The following MEGF10 variants were observed in gnomAD, a reference collection of about 807,000 sequenced individuals.
MEGF10 encodes multiple epidermal growth factor-like domains protein 10.
A neutral mutation model predicts 147.5 loss-of-function variants in MEGF10; 86 were observed. The ratio of observed to expected loss-of-function variants is 0.58; its 90% CI spans 0.49 to 0.70. MEGF10 has a LOEUF of 0.70. Ranked by LOEUF, MEGF10 falls within the 30% of genes least tolerant of loss-of-function variation. MEGF10 has a pLI of 0.00. For missense variants in MEGF10, 1,329 were observed against 1,487.3 expected, an observed-to-expected ratio of 0.89 and a Z score of 1.75; for synonymous variants, 478 against 525.5, an observed-to-expected ratio of 0.91 and a Z score of 1.24.
intron 7 of MEGF10, among the ~76,000 whole-genome samples, chr5:127,400,165 A>G (rs556894661): frequency 1.1e-3 from 164 of 152,358 alleles, no homozygotes; most frequent in African/African-American, 3.6e-3. Flanking sequence ...CAAGTATACA[A>G]TAAAAATCAG....
At chr5:127,263,544 TGGAAAGTAAGCTGTAGGA>T in the MEGF10 span, among the ~76,000 whole-genome samples, 1 of 152,142 alleles carries the variant, frequency 6.6e-6, no homozygotes, top group Non-Finnish European at 1.5e-5. Context: ...AAAAAAATAG[TGGAAAGTAAGCTGTAGGA>T]TTGCTTTTCC....
intron 5 of MEGF10, among the ~76,000 whole-genome samples, chr5:127,390,666 C>T (rs1253745718): frequency 6.6e-6 from 1 of 152,122 alleles, no homozygotes; most frequent in African/African-American, 2.4e-5. Flanking sequence ...CTATAAAAAT[C>T]ATTTAATTAA....
At chr5:127,336,504 C>G (rs1418376788) in intron 2 of MEGF10, among the ~76,000 whole-genome samples, 1 of 152,082 alleles carries the variant, frequency 6.6e-6, no homozygotes. Flanking sequence ...AATTTATGTA[C>G]TCCAACATTC....
At chr5:127,295,451 A>T (rs1331710502) in intron 1 of MEGF10, among the ~76,000 whole-genome samples, 3 of 152,330 alleles carry the variant, frequency 2.0e-5, no homozygotes, top group African/African-American at 7.2e-5. Context: ...TACTTAGTTT[A>T]TGAGACAAAC....
chr5:127,378,411 T>C (rs1763114945), intron 5 of MEGF10, among the ~76,000 whole-genome samples: 1 of 152,166 alleles, frequency 6.6e-6, no homozygotes, highest in Admixed American at 6.5e-5. Context: ...GGGGCAGCCC[T>C]TTGTGACATC....
At position 127,296,607 on chromosome 5, in the gene MEGF10, G is replaced by A. The variant is rs1759514954; in HGVS notation, c.-19+5551G>A. ...TCATCTGACCCAGATGAGCTGTACA[G>A]ATTTGGCTGTTTCTCAACATAGCCA... On this transcript the variant is annotated intron_variant, in intron 1 of 24. Transcript: ENST00000503335. Among the ~76,000 whole-genome samples the A allele has an allele frequency of 7.2e-5, 11 of 152,214 alleles. No homozygotes were observed. In the South Asian group the frequency reaches 2.3e-3, roughly 32 times the overall value.
At chr5:127,261,919 T>C in the MEGF10 span, among the ~76,000 whole-genome samples, 3 of 152,246 alleles carry the variant, frequency 2.0e-5, no homozygotes, top group African/African-American at 7.2e-5. Flanking sequence ...TTTGGAGAAA[T>C]GTCTGTTCAG....
At chr5:127,359,479 A>G (rs1324152456) in intron 4 of MEGF10, among the ~76,000 whole-genome samples, 2 of 152,134 alleles carry the variant, frequency 1.3e-5, no homozygotes, top group Admixed American at 6.5e-5. Flanking sequence ...CAATTATGAT[A>G]GTGAACCTAT....
intron 8 of MEGF10, among the ~76,000 whole-genome samples, chr5:127,404,082 C>T (rs1300309604): frequency 6.6e-6 from 1 of 152,158 alleles, no homozygotes; most frequent in Non-Finnish European, 1.5e-5. Context: ...GTTCCGTTTT[C>T]TCTGCATCCT....
At chr5:127,368,321 C>T (rs1187116717) in intron 4 of MEGF10, among the ~76,000 whole-genome samples, 1 of 152,194 alleles carries the variant, frequency 6.6e-6, no homozygotes, top group Admixed American at 6.5e-5. Context: ...GGACCAGGGT[C>T]CCAAGGTCAC....
chr5:127,354,620 G>A (rs2126827147), intron 4 of MEGF10, among the ~76,000 whole-genome samples: 1 of 152,266 alleles, frequency 6.6e-6, no homozygotes. Context: ...TGACTGCATA[G>A]TATCCTGTGG....
intron 5 of MEGF10, among the ~76,000 whole-genome samples, chr5:127,377,071 G>A (rs1022922418): frequency 2.6e-5 from 4 of 152,112 alleles, no homozygotes; most frequent in Non-Finnish European, 5.9e-5. Context: ...ATTCATAATG[G>A]CACCCATCTA....
At chr5:127,308,969 G>T (rs547607771) in intron 1 of MEGF10, among the ~76,000 whole-genome samples, 27 of 152,264 alleles carry the variant, frequency 1.8e-4, no homozygotes, top group African/African-American at 5.8e-4. Context: ...ATGGGTTCTG[G>T]AGGGATTGCC....
rs555017256 is a variant in MEGF10 at position 127,319,144 on chromosome 5, C to T, written c.-18-12147C>T. ...AGGCTGGAGTGCAGTGGTATGATCT[C>T]GGCTCACTGCAACCCCTGCTTCCCG... On this transcript the variant is annotated intron_variant, in intron 1 of 24. Transcript: ENST00000503335. 4.0e-4 allele frequency among the ~76,000 whole-genome samples: 60 copies of T among 148,986 alleles called. No homozygotes were observed. In the South Asian group the frequency reaches 9.8e-3, roughly 24 times the overall value.
At chr5:127,445,241 T>G (rs1195413129) in intron 19 of MEGF10, 2 of 556,980 alleles carry the variant, frequency 3.6e-6, no homozygotes, top group Non-Finnish European at 6.4e-6. Flanking sequence ...TTCTGTCTCT[T>G]TTTGAGGCTT....
At position 127,433,445 on chromosome 5, in the gene MEGF10, A is replaced by G. The variant is rs773962120; in HGVS notation, c.1776A>G (p.Ser592=). ...SLPCYCKNGA[S]CSPDDGICEC... is the part of the protein sequence containing the mutation. The stretch of plus-strand genomic sequence containing the variant: ...CCTGCTACTGTAAAAATGGGGCTTC[A>G]TGCTCCCCTGATGATGGCATCTGCG... Residue 592 remains serine, a synonymous_variant, in exon 14 of 25, where the codon TCA becomes TCG. Coordinates refer to ENST00000503335, the MANE Select transcript of MEGF10 (RefSeq NM_001256545.2). 1.9e-6 allele frequency: 3 copies of G among 1,613,948 alleles called. No individual in the cohort carries two copies. Among genetic ancestry groups the G allele is most frequent in the Non-Finnish European group, 2.5e-6 (3 of 1,179,928 alleles).
chr5:127,327,313 G>A (rs1339901429), intron 1 of MEGF10, among the ~76,000 whole-genome samples: 1 of 152,110 alleles, frequency 6.6e-6, no homozygotes, highest in Non-Finnish European at 1.5e-5. Context: ...TTTAAATTTT[G>A]TTAAACGGAA....
At chr5:127,410,766 T>G (rs564004090) in intron 9 of MEGF10, among the ~76,000 whole-genome samples, 165 bp downstream of exon 9, 2 of 152,378 alleles carry the variant, frequency 1.3e-5, no homozygotes, top group African/African-American at 4.8e-5. Flanking sequence ...CATTTTAACT[T>G]AATGTGTGAT....
At chr5:127,286,232 C>T (rs940262847), upstream of MEGF10, among the ~76,000 whole-genome samples, 1 of 151,948 alleles carries the variant, frequency 6.6e-6, no homozygotes, top group Non-Finnish European at 1.5e-5. Context: ...GTTGTAGGTT[C>T]TAATGGTCAG....
Sources: allele counts gnomAD v4.1 joint callset (sites outside exome capture counted in the v4.1 genomes callset), GRCh38; gene constraint gnomAD v4.1.1; transcripts MANE v1.5; gene names NCBI Gene and HGNC (gene_info 2026-07-23, HGNC 2026-07-21).